The following SLIT3 variants were observed in gnomAD, a reference collection of about 807,000 sequenced individuals.
The protein encoded by SLIT3 is slit guidance ligand 3.
SLIT3 carries 68 observed loss-of-function variants against 184.0 expected under a neutral mutation model. The ratio of observed to expected loss-of-function variants is 0.37; its 90% CI spans 0.30 to 0.45. SLIT3 has a LOEUF of 0.45. SLIT3 is among the 20% of genes least tolerant of loss of function. The probability of loss-of-function intolerance (pLI) is 1.00; values close to 1 mark genes in which losing one functional copy is unlikely to be tolerated. For missense variants in SLIT3, 1,707 were observed against 2,026.0 expected (o/e 0.84, Z 3.02); for synonymous variants, 831 against 828.6 (o/e 1.00, Z -0.05).
At chr5:169,030,446 T>C (rs1246152016) in intron 4 of SLIT3, 1 of 152,192 alleles carries the variant, frequency 6.6e-6, no homozygotes, top group African/African-American at 2.4e-5. Context: ...AGCTAGTAAA[T>C]GGATGACAAG....
At chr5:168,777,841 TC>T (rs1755816833) in intron 12 of SLIT3, among the ~76,000 whole-genome samples, 1 of 152,220 alleles carries the variant, frequency 6.6e-6, no homozygotes, top group South Asian at 2.1e-4. Context: ...GTGCCCTCTT[TC>T]CTTTGGGAGG....
intron 16 of SLIT3, among the ~76,000 whole-genome samples, chr5:168,756,110 C>T (rs768776788): frequency 8.5e-5 from 13 of 152,208 alleles, no homozygotes; most frequent in African/African-American, 2.9e-4. Context: ...ACAGAGCACA[C>T]GAAAGCTGGC....
At chr5:168,780,602 C>G (rs923304121) in intron 12 of SLIT3, among the ~76,000 whole-genome samples, 4 of 152,196 alleles carry the variant, frequency 2.6e-5, no homozygotes, top group Non-Finnish European at 5.9e-5. Flanking sequence ...ATCACCTCTA[C>G]ACATTGGCAC....
intron 30 of SLIT3, 63 bp from the exon 31 acceptor site, chr5:168,685,990 T>TA: frequency 6.6e-7 from 1 of 1,519,028 alleles, no homozygotes; most frequent in Admixed American, 1.9e-5. Flanking sequence ...CAATCACAGT[T>TA]ACTCAGGCCA....
rs1766870502 is a variant in SLIT3 at position 169,277,988 on chromosome 5, T to G, written c.197+22525A>C. Among the ~76,000 whole-genome samples, 7 of 152,216 alleles carry G rather than the reference T, an allele frequency of 4.6e-5. No individual in the cohort carries two copies. The South Asian group carries it at 1.5e-3, about 32-fold the overall frequency. ...TGAGCCTGTTTTTTGTAAGAGCAAA[T>G]TGGTAAGACGTGGCTTGTTCACCAC... On this transcript the variant is annotated intron_variant, in intron 1 of 35. Coordinates refer to ENST00000519560, the MANE Select transcript of SLIT3 (RefSeq NM_003062.4).
chr5:169,265,574 T>C (rs563876386), intron 1 of SLIT3, among the ~76,000 whole-genome samples: 5 of 152,262 alleles, frequency 3.3e-5, no homozygotes, highest in African/African-American at 1.2e-4. Flanking sequence ...GGCCCTAGAA[T>C]CAGATAGCCT....
chr5:169,180,823 C>A (rs1231075890), intron 4 of SLIT3, among the ~76,000 whole-genome samples: 1 of 152,192 alleles, frequency 6.6e-6, no homozygotes, highest in African/African-American at 2.4e-5. Context: ...AGCAATGGAA[C>A]CCCTAACAAT....
At chr5:168,872,804 C>T (rs1205073937) in intron 5 of SLIT3, among the ~76,000 whole-genome samples, 1 of 151,944 alleles carries the variant, frequency 6.6e-6, no homozygotes, top group Non-Finnish European at 1.5e-5. Flanking sequence ...CCACACCCGG[C>T]TAATTTTTCG....
At chr5:168,740,524 C>T (rs1215106564) in intron 20 of SLIT3, among the ~76,000 whole-genome samples, 1 of 152,200 alleles carries the variant, frequency 6.6e-6, no homozygotes, top group Non-Finnish European at 1.5e-5. Flanking sequence ...AGCTGAAAAG[C>T]TTGCATTGGA....
chr5:168,789,824 C>T (rs1756295020), intron 10 of SLIT3, 193 bp from the exon 11 acceptor site: 1 of 560,834 alleles, frequency 1.8e-6, no homozygotes, highest in Admixed American at 3.2e-5. Flanking sequence ...ATAAAGTGCA[C>T]CACATTTACA....
rs1410743022 is a variant in SLIT3 at position 168,963,651 on chromosome 5, T to A, written c.414-80315A>T. On this transcript the variant is annotated intron_variant, in intron 4 of 35. Coordinates refer to ENST00000519560, the MANE Select transcript of SLIT3 (RefSeq NM_003062.4). ...ACGAGGGCAGAGACTAAGCCTTGCT[T>A]GTCTAGCAGTGTGTTAGGTACCTGA... 5.3e-5 allele frequency among the ~76,000 whole-genome samples: 8 copies of A among 152,334 alleles called. No homozygotes were observed. In the East Asian group the frequency reaches 1.5e-3, roughly 29 times the overall value.
intron 32 of SLIT3, among the ~76,000 whole-genome samples, chr5:168,676,032 CTTAT>C (rs978916685): frequency 2.6e-5 from 4 of 152,160 alleles, no homozygotes; most frequent in Admixed American, 6.5e-5. Context: ...CACCCACCTA[CTTAT>C]TTATCTACCC....
intron 4 of SLIT3, among the ~76,000 whole-genome samples, chr5:169,077,252 T>C (rs1243205520): frequency 6.6e-6 from 1 of 152,180 alleles, no homozygotes; most frequent in African/African-American, 2.4e-5. Flanking sequence ...GAATACAGTA[T>C]GTAGGCCGGG....
intron 1 of SLIT3, among the ~76,000 whole-genome samples, chr5:169,278,637 A>G (rs1277862490): frequency 6.6e-6 from 1 of 152,134 alleles, no homozygotes; most frequent in African/African-American, 2.4e-5. Flanking sequence ...CTGACCCCCC[A>G]AGGTCTGTGG....
intron 3 of SLIT3, among the ~76,000 whole-genome samples, chr5:169,200,271 G>A (rs547210760): frequency 2.0e-5 from 3 of 152,316 alleles, no homozygotes; most frequent in African/African-American, 7.2e-5. Context: ...CAGGCCCGAG[G>A]GAGGAAGAAA....
intron 20 of SLIT3, among the ~76,000 whole-genome samples, chr5:168,737,948 CTT>C (rs1473567988): frequency 2.0e-5 from 3 of 152,180 alleles, no homozygotes; most frequent in Non-Finnish European, 4.4e-5. Flanking sequence ...ATTCTGGTGA[CTT>C]TGAGGGCTGA....
intron 4 of SLIT3, among the ~76,000 whole-genome samples, chr5:169,079,433 G>A (rs368023579): frequency 6.8e-6 from 1 of 146,754 alleles, no homozygotes; most frequent in African/African-American, 2.5e-5. Context: ...AAGAGACCAG[G>A]GTCAGGGATG....
intron 1 of SLIT3, among the ~76,000 whole-genome samples, chr5:169,279,614 T>C (rs1236282366): frequency 6.6e-6 from 1 of 152,202 alleles, no homozygotes; most frequent in Admixed American, 6.5e-5. Context: ...ATTATGTAAA[T>C]AATAATTTAA....
intron 9 of SLIT3, among the ~76,000 whole-genome samples, chr5:168,797,243 A>G (rs1756594619): frequency 6.6e-6 from 1 of 152,074 alleles, no homozygotes; most frequent in Admixed American, 6.5e-5. Context: ...CTCATTTTCC[A>G]GCTGAGCATA....
Sources: gnomAD v4.1 joint callset for allele counts (sites outside exome capture counted in the v4.1 genomes callset) on GRCh38, gnomAD v4.1.1 for gene constraint, MANE v1.5 for transcripts, NCBI Gene and HGNC (gene_info 2026-07-23, HGNC 2026-07-21) for gene names.